Variants in COG6 observed in about 807,000 individuals in gnomAD.
COG6 encodes component of oligomeric golgi complex 6.
In COG6, 74 loss-of-function variants were observed where a neutral mutation model predicts 88.8. That is an observed-to-expected ratio of 0.83 (90% CI 0.69 to 1.01). The LOEUF (loss-of-function observed/expected upper bound fraction) is 1.01. COG6 is among the 50% of genes least tolerant of loss of function. COG6 has a pLI of 0.00. For missense variants in COG6, 800 were observed against 797.9 expected (o/e 1.00, Z -0.03); for synonymous variants, 286 against 278.7 (o/e 1.03, Z -0.26).
chr13:39,737,304 C>T (rs1879815298), intron 18 of COG6, among the ~76,000 whole-genome samples: 1 of 152,112 alleles, frequency 6.6e-6, no homozygotes, highest in South Asian at 2.1e-4. Flanking sequence ...CCAAGGCCCA[C>T]AGGGATCACT....
intron 18 of COG6, chr13:39,788,188 C>G (rs763855217): frequency 3.7e-6 from 3 of 816,822 alleles, no homozygotes; most frequent in African/African-American, 1.7e-5. Flanking sequence ...CATCTTCACA[C>G]GTACTCCACC....
chr13:39,684,563 T>C (rs1876530258), intron 8 of COG6, among the ~76,000 whole-genome samples: 1 of 152,104 alleles, frequency 6.6e-6, no homozygotes, highest in South Asian at 2.1e-4. Flanking sequence ...TTGGAAGATT[T>C]TAAGACACAT....
rs140429062 is a variant in COG6, at chr13:39,720,732, A to G, written c.1584+905A>G. Among the ~76,000 whole-genome samples the G allele has an allele frequency of 6.1e-3, 924 of 152,102 alleles. 8 individuals are homozygous for G. The highest frequency in any genetic ancestry group is 0.021 in the African/African-American group (855 of 41,532). On this transcript the variant is annotated intron_variant, in intron 15 of 18. Coordinates refer to ENST00000455146, the MANE Select transcript of COG6 (RefSeq NM_020751.3). Reference sequence around the variant, plus strand: ...TTTATAGTTGCTTCTTTTGGTATTTATATTTGTAATTCTAAACACTTACGT... The same window carrying G: ...TTTATAGTTGCTTCTTTTGGTATTTGTATTTGTAATTCTAAACACTTACGT...
Position 39,701,842 on chromosome 13 carries a change from T to A in COG6, c.1284+2224T>A, listed in dbSNP as rs996812623. On this transcript the variant is annotated intron_variant, in intron 13 of 18. Transcript: ENST00000455146. ...ACTGAAAATAGATGCATTAGGCGTT[T>A]GTATTAAAAAATTTGAAACAGAGCA... Among the ~76,000 whole-genome samples, 9 of 152,102 alleles carry A rather than the reference T, an allele frequency of 5.9e-5. No individual in the cohort carries two copies. The East Asian group carries it at 1.7e-3, about 29-fold the overall frequency.
intron 4 of COG6, among the ~76,000 whole-genome samples, chr13:39,666,663 TAA>T (rs1875290963): frequency 6.6e-6 from 1 of 152,142 alleles, no homozygotes; most frequent in African/African-American, 2.4e-5. Flanking sequence ...TGGGAAATTA[TAA>T]AGAGTGCAGA....
At position 39,660,840 on chromosome 13, in the gene COG6, G is replaced by A; in HGVS notation, c.328G>A (p.Ala110Thr). The A allele has an allele frequency of 6.2e-7, 1 of 1,610,846 alleles. No individual in the cohort carries two copies. The highest frequency in any genetic ancestry group is 8.5e-7 in the Non-Finnish European group (1 of 1,177,590). Residue 110 changes from alanine to threonine, a missense_variant, in exon 3 of 19, where the codon GCA (alanine) becomes ACA (threonine). By Grantham distance (58) the Ala-to-Thr change is moderately conservative. Transcript: ENST00000455146. Reference sequence around the variant, plus strand: ...TGAAAGCATAAGCGAAGATGTTCAAGCAATGAGCAACTGTTGTCAAGATAT... The same window carrying A: ...TGAAAGCATAAGCGAAGATGTTCAAACAATGAGCAACTGTTGTCAAGATAT... ...ELESISEDVQAMSNCCQDMTS... is the reference protein window; with the variant it reads ...ELESISEDVQTMSNCCQDMTS...
At chr13:39,671,566 A>C (rs4321067) in intron 4 of COG6, among the ~76,000 whole-genome samples, 109,014 of 151,068 alleles carry the variant, frequency 0.72, 39,580 homozygotes, top group Admixed American at 0.81. Context: ...CTCATTTGTC[A>C]TTTTAGGTTC....
chr13:39,767,510 G>A (rs1256792547), intron 18 of COG6, among the ~76,000 whole-genome samples: 1 of 152,176 alleles, frequency 6.6e-6, no homozygotes, highest in African/African-American at 2.4e-5. Context: ...GAGTGGAAGT[G>A]GAGGTGGCAA....
intron 4 of COG6, among the ~76,000 whole-genome samples, chr13:39,669,868 A>T (rs1269505641): frequency 2.0e-5 from 3 of 152,162 alleles, no homozygotes; most frequent in African/African-American, 7.2e-5. Context: ...TGCCAAGTGA[A>T]CGTTTGTGTG....
At chr13:39,775,001 T>C (rs1881423013) in intron 18 of COG6, among the ~76,000 whole-genome samples, 1 of 152,186 alleles carries the variant, frequency 6.6e-6, no homozygotes, top group Non-Finnish European at 1.5e-5. Context: ...AATGCAAAGC[T>C]ACAAAAATGA....
At chr13:39,763,089 A>G (rs561661618) in intron 18 of COG6, among the ~76,000 whole-genome samples, 1 of 151,724 alleles carries the variant, frequency 6.6e-6, no homozygotes, top group South Asian at 2.1e-4. Flanking sequence ...TATATTTATA[A>G]TTTTCCTGGC....
intron 18 of COG6, among the ~76,000 whole-genome samples, chr13:39,777,904 C>T (rs1881511949): frequency 6.6e-6 from 1 of 152,196 alleles, no homozygotes; most frequent in African/African-American, 2.4e-5. Flanking sequence ...CTCCTAACTG[C>T]ATATGTGGGA....
chr13:39,760,381 C>G (rs1282631916), intron 18 of COG6, among the ~76,000 whole-genome samples: 1 of 151,974 alleles, frequency 6.6e-6, no homozygotes, highest in Non-Finnish European at 1.5e-5. Context: ...TAATTGCAGA[C>G]TAGGAATTTT....
chr13:39,783,151 A>G (rs1334798316), intron 18 of COG6, among the ~76,000 whole-genome samples: 2 of 152,174 alleles, frequency 1.3e-5, no homozygotes, highest in Non-Finnish European at 2.9e-5. Context: ...TTCACCTCAT[A>G]TTTTTAATGA....
intron 11 of COG6, among the ~76,000 whole-genome samples, chr13:39,690,811 T>C (rs1464342600): frequency 6.6e-6 from 1 of 151,876 alleles, no homozygotes; most frequent in Admixed American, 6.6e-5. Flanking sequence ...AATGGCTAAG[T>C]ATCTTGAAAT....
intron 11 of COG6, 66 bp from the exon 12 acceptor site, chr13:39,694,568 A>G (rs1877154648): frequency 3.2e-6 from 3 of 948,110 alleles, no homozygotes; most frequent in African/African-American, 3.3e-5. Context: ...TTCATACCAT[A>G]TGTTATTAAT....
chr13:39,745,217 C>G (rs529099577), intron 18 of COG6, among the ~76,000 whole-genome samples: 1 of 152,130 alleles, frequency 6.6e-6, no homozygotes, highest in Non-Finnish European at 1.5e-5. Flanking sequence ...AAAGCAATGG[C>G]AACAAAAGCC....
intron 18 of COG6, among the ~76,000 whole-genome samples, chr13:39,778,535 G>A (rs780242247): frequency 7.9e-5 from 12 of 152,222 alleles, no homozygotes; most frequent in Admixed American, 2.6e-4. Context: ...TAGCAGTAAC[G>A]TGTAGATTCT....
At chr13:39,755,844 A>T (rs771777469), downstream of COG6, among the ~76,000 whole-genome samples, 3 of 152,248 alleles carry the variant, frequency 2.0e-5, no homozygotes, top group Non-Finnish European at 4.4e-5. Flanking sequence ...TCATTAGTTG[A>T]CAATTAAGCT....
Sources: gnomAD v4.1 joint callset for allele counts (sites outside exome capture counted in the v4.1 genomes callset) on GRCh38, gnomAD v4.1.1 for gene constraint, MANE v1.5 for transcripts, NCBI Gene and HGNC (gene_info 2026-07-23, HGNC 2026-07-21) for gene names.